LUZP2: variants seen among roughly 807,000 people sequenced by gnomAD.
LUZP2 encodes the protein leucine zipper protein 2.
Under a neutral mutation model 51.6 loss-of-function variants are expected in LUZP2, and 52 were observed. The ratio of observed to expected loss-of-function variants is 1.01; its 90% CI spans 0.81 to 1.27. The LOEUF (loss-of-function observed/expected upper bound fraction) is 1.27, where lower values mean the gene tolerates loss of function less well. Among genes scored for constraint, LUZP2 ranks in the 50% most tolerant of loss-of-function variants. The pLI, the probability that LUZP2 is intolerant of heterozygous loss-of-function variation, is 0.00. For synonymous variants in LUZP2, 154 were observed against 137.3 expected, an observed-to-expected ratio of 1.12 and a Z score of -0.85; for missense variants, 436 against 395.4, an observed-to-expected ratio of 1.10 and a Z score of -0.87.
At chr11:24,687,160 C>T (rs979857073) in intron 1 of LUZP2, among the ~76,000 whole-genome samples, 2 of 151,918 alleles carry the variant, frequency 1.3e-5, no homozygotes, top group African/African-American at 4.8e-5. Flanking sequence ...GTTTTAGGTC[C>T]CTAACATTTT....
chr11:24,973,095 A>G (rs1050026773), intron 7 of LUZP2, among the ~76,000 whole-genome samples: 7 of 124,116 alleles, frequency 5.6e-5, no homozygotes, highest in Non-Finnish European at 8.5e-5. Context: ...TTGGTAGGCT[A>G]TTTCTTACTG....
chr11:25,077,383 G>A lies in LUZP2; in HGVS notation c.913G>A (p.Ala305Thr). The change falls in exon 11 of 12, where the codon GCA (alanine) becomes ACA (threonine). Residue 305 changes from alanine to threonine, a missense_variant. By Grantham distance (58) the Ala-to-Thr change is moderately conservative. Coordinates refer to ENST00000336930, the MANE Select transcript of LUZP2 (RefSeq NM_001009909.4). ...HKESPPSNAT[A>T]ETEPIPQKLQ... The stretch of plus-strand genomic sequence containing the variant: ...AGAAAGTCCCCCAAGTAATGCCACT[G>A]CAGAAACCGAGCCTATCCCACAGGT... The A allele has an allele frequency of 6.2e-7, 1 of 1,612,378 alleles. No homozygotes were observed. Among genetic ancestry groups the A allele is most frequent in the South Asian group, 1.1e-5 (1 of 91,040 alleles).
chr11:25,065,241 GCA>G (rs1241754448), intron 10 of LUZP2, among the ~76,000 whole-genome samples: 1 of 151,980 alleles, frequency 6.6e-6, no homozygotes. Flanking sequence ...AAAGCACCTG[GCA>G]CACAGTCATC....
intron 10 of LUZP2, among the ~76,000 whole-genome samples, chr11:25,060,318 C>T (rs2134038208): frequency 6.6e-6 from 1 of 152,266 alleles, no homozygotes; most frequent in East Asian, 1.9e-4. Context: ...CATCTTCTCA[C>T]TGTAATTTCA....
Position 24,732,203 on chromosome 11 carries a change from T to C in LUZP2, c.251+15T>C. 6.3e-7 allele frequency: 1 copy of C among 1,578,326 alleles called. No homozygotes were observed. The highest frequency in any genetic ancestry group is 8.6e-7 in the Non-Finnish European group (1 of 1,157,942). ...CAGAAACAAAGGTAAGACTTTTCTT[T>C]TTTTCTTAGTTATTTCTGCCATAGT... On this transcript the variant is annotated intron_variant, in intron 3 of 11. Coordinates refer to ENST00000336930, the MANE Select transcript of LUZP2 (RefSeq NM_001009909.4).
chr11:24,758,046 C>T (rs1175104492), intron 4 of LUZP2, among the ~76,000 whole-genome samples: 3 of 152,082 alleles, frequency 2.0e-5, no homozygotes, highest in African/African-American at 4.8e-5. Flanking sequence ...ACTCTCATCT[C>T]GTTATGTGAG....
intron 1 of LUZP2, among the ~76,000 whole-genome samples, chr11:24,716,508 C>G (rs1858049958): frequency 6.6e-6 from 1 of 152,022 alleles, no homozygotes; most frequent in Admixed American, 6.6e-5. Flanking sequence ...AAGAAGGGTT[C>G]CAAGAATGAG....
intron 1 of LUZP2, among the ~76,000 whole-genome samples, chr11:24,725,058 G>A (rs1256282150): frequency 1.3e-5 from 2 of 152,070 alleles, no homozygotes; most frequent in African/African-American, 4.8e-5. Context: ...TAATGCAAAT[G>A]CAATTTCAAT....
chr11:24,854,771 G>A (rs569831547), intron 5 of LUZP2, among the ~76,000 whole-genome samples: 2 of 152,270 alleles, frequency 1.3e-5, no homozygotes, highest in African/African-American at 4.8e-5. Context: ...AGGCACCTGA[G>A]GGAATCTCCG....
chr11:24,744,889 A>C (rs1284971474), intron 4 of LUZP2, among the ~76,000 whole-genome samples: 1 of 152,048 alleles, frequency 6.6e-6, no homozygotes, highest in Non-Finnish European at 1.5e-5. Flanking sequence ...CGTATCCCAG[A>C]GGTTTTGATA....
rs535120304 is a variant in LUZP2, at chr11:24,500,863, C to T, written c.62+3558C>T. ...TCACACTACATGTTTATTTTGGAAT[C>T]TATTTTTAGATGATACTATATATTG... On this transcript the variant is annotated intron_variant, in intron 1 of 11. Transcript: ENST00000336930. Among the ~76,000 whole-genome samples, 9 of 152,270 alleles carry T rather than the reference C, an allele frequency of 5.9e-5. No homozygotes were observed. The East Asian group carries it at 1.7e-3, about 29-fold the overall frequency.
At chr11:24,986,434 A>G (rs553037854) in intron 9 of LUZP2, among the ~76,000 whole-genome samples, 2 of 151,666 alleles carry the variant, frequency 1.3e-5, no homozygotes, top group Non-Finnish European at 3.0e-5. Context: ...GTTCAATGAC[A>G]TCATGTTATC....
intron 7 of LUZP2, among the ~76,000 whole-genome samples, chr11:24,917,121 G>A (rs1222626327): frequency 6.6e-6 from 1 of 152,060 alleles, no homozygotes; most frequent in South Asian, 2.1e-4. Context: ...TGTTGGCTGT[G>A]TAAGTGACTT....
At chr11:24,839,090 TG>T (rs1222887288) in intron 5 of LUZP2, among the ~76,000 whole-genome samples, 2 of 151,698 alleles carry the variant, frequency 1.3e-5, no homozygotes, top group African/African-American at 4.8e-5. Flanking sequence ...AGTTGTAGGT[TG>T]TATACTCATG....
chr11:25,016,555 TATC>T (rs1323618073), intron 9 of LUZP2, among the ~76,000 whole-genome samples: 1 of 152,052 alleles, frequency 6.6e-6, no homozygotes, highest in Non-Finnish European at 1.5e-5. Flanking sequence ...CACACATACA[TATC>T]ATGGTGTGGG....
chr11:24,534,191 T>C (rs1024563109), intron 1 of LUZP2, among the ~76,000 whole-genome samples: 2 of 151,002 alleles, frequency 1.3e-5, no homozygotes, highest in African/African-American at 2.4e-5. Flanking sequence ...AGAATAGATA[T>C]GTTCCTATTA....
chr11:24,953,728 G>A lies in LUZP2; in HGVS notation c.523-22863G>A, dbSNP rs539444104. Among the ~76,000 whole-genome samples the A allele has an allele frequency of 3.3e-5, 5 of 152,086 alleles. No individual in the cohort carries two copies. The South Asian group carries it at 1.0e-3, about 32-fold the overall frequency. ...TCCTGTTTTCTTTGTACAGTATGTG[G>A]CACCTACGTCAAACTCATTCACTTG... On this transcript the variant is annotated intron_variant, in intron 7 of 11. Coordinates refer to ENST00000336930, the MANE Select transcript of LUZP2 (RefSeq NM_001009909.4).
At chr11:24,592,109 G>C (rs763253577) in intron 1 of LUZP2, among the ~76,000 whole-genome samples, 2 of 152,190 alleles carry the variant, frequency 1.3e-5, no homozygotes, top group Non-Finnish European at 2.9e-5. Context: ...GTGCCTTTCA[G>C]ATGACAGCAC....
chr11:24,725,977 T>C (rs868795764), intron 1 of LUZP2, among the ~76,000 whole-genome samples: 2 of 152,136 alleles, frequency 1.3e-5, no homozygotes, highest in Middle Eastern at 3.2e-3. Context: ...CAGATCCTTC[T>C]CTCACAGCCC....
Sources: allele counts gnomAD v4.1 joint callset (sites outside exome capture counted in the v4.1 genomes callset), GRCh38; gene constraint gnomAD v4.1.1; transcripts MANE v1.5; gene names NCBI Gene and HGNC (gene_info 2026-07-23, HGNC 2026-07-21).